Variants in BLTP1 observed in about 807,000 individuals in gnomAD.
The protein encoded by BLTP1 is bridge-like lipid transfer protein family member 1.
At chr4:122,268,787 A>T in the BLTP1 span, among the ~76,000 whole-genome samples, 1 of 152,180 alleles carries the variant, frequency 6.6e-6, no homozygotes, top group Non-Finnish European at 1.5e-5. Context: ...GTAACTACAT[A>T]TTGTGCTTTC....
chr4:122,322,582 T>C, the BLTP1 span, among the ~76,000 whole-genome samples: 3 of 152,182 alleles, frequency 2.0e-5, no homozygotes, highest in Non-Finnish European at 4.4e-5. Flanking sequence ...TAATTTTTTA[T>C]TGATAGCCAG....
chr4:122,270,386 T>G, the BLTP1 span: 5 of 979,914 alleles, frequency 5.1e-6, no homozygotes, highest in Non-Finnish European at 6.1e-6. Flanking sequence ...ATTGTTATTA[T>G]TGGTAGCTGG....
chr4:122,161,494 A>T, the BLTP1 span, among the ~76,000 whole-genome samples: 1 of 150,630 alleles, frequency 6.6e-6, no homozygotes, highest in Non-Finnish European at 1.5e-5. Flanking sequence ...GCAGTGGTGC[A>T]GTCACAGCTC....
At chr4:122,224,064 T>C in the BLTP1 span, 1 of 982,864 alleles carries the variant, frequency 1.0e-6, no homozygotes, top group Non-Finnish European at 1.2e-6. Flanking sequence ...GGAAGTTTAC[T>C]TTTCCCCACC....
At chr4:122,199,861 G>A in the BLTP1 span, 1 of 939,720 alleles carries the variant, frequency 1.1e-6, no homozygotes, top group Non-Finnish European at 1.3e-6. Flanking sequence ...GATGAGTAAG[G>A]TAAAATGAAG....
the BLTP1 span, among the ~76,000 whole-genome samples, chr4:122,160,344 A>G: frequency 6.6e-6 from 1 of 152,208 alleles, no homozygotes; most frequent in Non-Finnish European, 1.5e-5. Flanking sequence ...ATTTAAATAA[A>G]TGGGTGGTGT....
chr4:122,187,939 C>G, the BLTP1 span: 1 of 1,591,422 alleles, frequency 6.3e-7, no homozygotes, highest in Non-Finnish European at 8.5e-7. Flanking sequence ...AAACTCTGTG[C>G]ATCAACTTTG....
the BLTP1 span, chr4:122,299,952 A>G: frequency 1.0e-6 from 1 of 979,882 alleles, no homozygotes; most frequent in Non-Finnish European, 1.2e-6. Flanking sequence ...CTAAGTGTAC[A>G]AAGACACATA....
At chr4:122,301,678 C>G in the BLTP1 span, among the ~76,000 whole-genome samples, 1 of 152,088 alleles carries the variant, frequency 6.6e-6, no homozygotes, top group Non-Finnish European at 1.5e-5. Flanking sequence ...TCTTGAACAT[C>G]TGTATTGTAT....
the BLTP1 span, among the ~76,000 whole-genome samples, chr4:122,265,412 AT>A: frequency 6.6e-6 from 1 of 152,114 alleles, no homozygotes; most frequent in Non-Finnish European, 1.5e-5. Context: ...ACTCCCTAAT[AT>A]TTTCAATGTG....
chr4:122,224,536 C>T, the BLTP1 span: 1 of 1,613,942 alleles, frequency 6.2e-7, no homozygotes, highest in Non-Finnish European at 8.5e-7. Flanking sequence ...GGGAAGGTCA[C>T]ATCAATTTGT....
chr4:122,247,391 C>A, the BLTP1 span: 2 of 1,608,422 alleles, frequency 1.2e-6, no homozygotes, highest in East Asian at 4.5e-5. Flanking sequence ...TTTTTCTTGG[C>A]ATATATAAAT....
the BLTP1 span, chr4:122,341,876 G>A: frequency 3.1e-5 from 29 of 936,212 alleles, no homozygotes; most frequent in African/African-American, 5.4e-5. Flanking sequence ...ATGGGTTAGC[G>A]AAGCAGAGAA....
chr4:122,240,295 C>T, the BLTP1 span: 4 of 1,614,132 alleles, frequency 2.5e-6, no homozygotes, highest in Non-Finnish European at 3.4e-6. Context: ...GATCTGGATA[C>T]ACCAACCAGT....
chr4:122,240,013 A>G, the BLTP1 span: 29 of 1,614,072 alleles, frequency 1.8e-5, no homozygotes, highest in Admixed American at 4.5e-4. Context: ...CTTACTGGAC[A>G]TGGAGAAAGC....
chr4:122,188,451 G>A, the BLTP1 span, among the ~76,000 whole-genome samples: 1 of 152,060 alleles, frequency 6.6e-6, no homozygotes, highest in Admixed American at 6.6e-5. Flanking sequence ...AAATTGAACA[G>A]ATTCATTGCA....
the BLTP1 span, chr4:122,298,790 T>C: frequency 1.2e-6 from 1 of 843,560 alleles, no homozygotes; most frequent in Non-Finnish European, 1.4e-6. Flanking sequence ...GTTCTACTTT[T>C]TGATGATTGA....
chr4:122,359,462 G>C, the BLTP1 span: 20 of 1,494,122 alleles, frequency 1.3e-5, 1 homozygote, highest in Non-Finnish European at 1.8e-5. Flanking sequence ...GCTTTGGCCA[G>C]GTCATAGATA....
chr4:122,311,195 C>T, the BLTP1 span, among the ~76,000 whole-genome samples: 1 of 152,090 alleles, frequency 6.6e-6, no homozygotes, highest in African/African-American at 2.4e-5. Context: ...CGCTCTGACT[C>T]AGAATCAGAA....
Sources: allele counts gnomAD v4.1 joint callset (sites outside exome capture counted in the v4.1 genomes callset), GRCh38; gene constraint gnomAD v4.1.1; transcripts MANE v1.5; gene names NCBI Gene and HGNC (gene_info 2026-07-23, HGNC 2026-07-21).